CASQ2: variants seen among roughly 807,000 people sequenced by gnomAD.
CASQ2 encodes calsequestrin-2.
CASQ2 carries 49 observed loss-of-function variants against 46.5 expected under a neutral mutation model. The ratio of observed to expected loss-of-function variants is 1.05; its 90% CI spans 0.84 to 1.34. The LOEUF (loss-of-function observed/expected upper bound fraction) is 1.34. Ranked by LOEUF, CASQ2 falls within the 40% of genes most tolerant of loss-of-function variation. CASQ2 has a pLI of 0.00. For synonymous variants in CASQ2, 174 were observed against 168.5 expected (o/e 1.03, Z -0.25); for missense variants, 486 against 481.3 (o/e 1.01, Z -0.09).
At chr1:115,750,261 T>G (rs10923361) in intron 1 of CASQ2, among the ~76,000 whole-genome samples, 41,656 of 152,090 alleles carry the variant, frequency 0.27, 6,105 homozygotes, top group East Asian at 0.43. Context: ...AGACTTTTCA[T>G]ATAGGATTGC....
chr1:115,729,366 T>C (rs1189383990), intron 5 of CASQ2, among the ~76,000 whole-genome samples: 2 of 152,166 alleles, frequency 1.3e-5, no homozygotes, highest in African/African-American at 4.8e-5. Context: ...TCTTTCATTC[T>C]TATTATTCCT....
intron 1 of CASQ2, among the ~76,000 whole-genome samples, chr1:115,763,439 G>C (rs1399856967): frequency 6.6e-6 from 1 of 152,040 alleles, no homozygotes; most frequent in African/African-American, 2.4e-5. Context: ...GAGTGAATAA[G>C]CAATAAGAGG....
intron 1 of CASQ2, among the ~76,000 whole-genome samples, chr1:115,765,290 G>C (rs1223287215): frequency 1.3e-5 from 2 of 152,186 alleles, no homozygotes; most frequent in Non-Finnish European, 2.9e-5. Flanking sequence ...CTAATTGAAT[G>C]GTATTTCAAG....
At chr1:115,716,255 A>T (rs2101067216) in intron 8 of CASQ2, among the ~76,000 whole-genome samples, 1 of 152,118 alleles carries the variant, frequency 6.6e-6, no homozygotes, top group Admixed American at 6.5e-5. Context: ...CCTGCACTTC[A>T]CTCTCCACTG....
intron 3 of CASQ2, among the ~76,000 whole-genome samples, chr1:115,739,174 C>T (rs201340726): frequency 4.4e-5 from 6 of 135,582 alleles, no homozygotes; most frequent in Non-Finnish European, 4.7e-5. Context: ...TGCAGTGGCA[C>T]GATCTAGGCT....
In CASQ2 at chr1:115,723,770, G is replaced by A. The variant is rs183938918; in HGVS notation, c.783+1738C>T. Among the ~76,000 whole-genome samples, 199 of 152,148 alleles carry A rather than the reference G, an allele frequency of 1.3e-3. 1 individual carries two copies. The highest frequency in any genetic ancestry group is 2.8e-4 in the Non-Finnish European group (19 of 67,976). ...GCCAGGCTGGTCTCGAACTCCTGAC[G>A]TCAAGTGATCTGCCCACCTTGGCCT... On this transcript the variant is annotated intron_variant, in intron 7 of 10. Coordinates refer to ENST00000261448, the MANE Select transcript of CASQ2 (RefSeq NM_001232.4).
chr1:115,733,493 C>CT (rs1420288984), intron 4 of CASQ2, among the ~76,000 whole-genome samples: 3 of 152,180 alleles, frequency 2.0e-5, no homozygotes, highest in African/African-American at 4.8e-5. Context: ...TTTTCTTTCC[C>CT]TTTTTTTCAT....
At chr1:115,719,522 C>T (rs893908736) in intron 7 of CASQ2, among the ~76,000 whole-genome samples, 1 of 152,334 alleles carries the variant, frequency 6.6e-6, no homozygotes, top group East Asian at 1.9e-4. Context: ...CATAATACGG[C>T]TGTCACTCCC....
intron 7 of CASQ2, among the ~76,000 whole-genome samples, chr1:115,719,444 C>A (rs1327560093): frequency 2.1e-4 from 32 of 152,192 alleles, no homozygotes. Context: ...TTTCTGTGTG[C>A]CCTGCTAGAA....
rs139281637 is a variant in CASQ2, at chr1:115,738,349, C to T, written c.421-14G>A. ...GTCTTCAATTAGCTGAAATGCCACA[C>T]GCACATACACACATGTTCAAACAAG... On this transcript the variant is annotated splice_polypyrimidine_tract_variant and intron_variant, in intron 3 of 10. Coordinates refer to ENST00000261448, the MANE Select transcript of CASQ2 (RefSeq NM_001232.4). The T allele has an allele frequency of 1.5e-3, 2,130 of 1,422,228 alleles. 2 individuals carry two copies. Among genetic ancestry groups the T allele is most frequent in the Non-Finnish European group, 1.9e-3 (1,896 of 1,005,010 alleles). The allele number at this position is 1,422,228 out of a possible 1,614,324, so 88.1% of individuals were successfully genotyped here.
At chr1:115,723,718 T>TGGTA (rs934500360) in intron 7 of CASQ2, among the ~76,000 whole-genome samples, 1 of 152,068 alleles carries the variant, frequency 6.6e-6, no homozygotes, top group Non-Finnish European at 1.5e-5. Context: ...TTGTATTTTT[T>TGGTA]GGTAGGAATG....
Position 115,701,225 on chromosome 1 carries a change from A to G in CASQ2, c.*16T>C. The stretch of plus-strand genomic sequence containing the variant: ...GTGCTGTGATTTTGTTTTCATCAGA[A>G]TTGTTTGGAGTTGGGCTATTCATCA... On this transcript the variant is annotated 3_prime_UTR_variant, in exon 11 of 11. Transcript: ENST00000261448. 1 of 1,613,826 alleles carries G rather than the reference A, an allele frequency of 6.2e-7. No homozygotes were observed. The highest frequency in any genetic ancestry group is 8.5e-7 in the Non-Finnish European group (1 of 1,179,956).
chr1:115,710,119 T>C (rs951095315), intron 8 of CASQ2, among the ~76,000 whole-genome samples: 37 of 152,320 alleles, frequency 2.4e-4, no homozygotes, highest in African/African-American at 8.2e-4. Flanking sequence ...ACTGGGATTA[T>C]AGGCGAAAGC....
intron 5 of CASQ2, among the ~76,000 whole-genome samples, chr1:115,730,869 G>A (rs1647760236): frequency 6.6e-6 from 1 of 152,176 alleles, no homozygotes; most frequent in Admixed American, 6.5e-5. Flanking sequence ...TCCCTAGGAT[G>A]TGTTGTACAA....
intron 4 of CASQ2, among the ~76,000 whole-genome samples, chr1:115,737,639 G>C (rs563220380): frequency 3.9e-5 from 6 of 152,270 alleles, no homozygotes; most frequent in African/African-American, 1.2e-4. Flanking sequence ...TCCCTATATG[G>C]GCTGTAGTGA....
At chr1:115,757,754 G>A (rs992636688) in intron 1 of CASQ2, among the ~76,000 whole-genome samples, 1 of 152,154 alleles carries the variant, frequency 6.6e-6, no homozygotes, top group Non-Finnish European at 1.5e-5. Context: ...GTGGGATTAA[G>A]CAAGGGTAAC....
chr1:115,711,636 G>GA (rs1165376185), intron 8 of CASQ2, among the ~76,000 whole-genome samples: 1 of 149,746 alleles, frequency 6.7e-6, no homozygotes, highest in Non-Finnish European at 1.5e-5. Context: ...TGATGGGAAG[G>GA]GTTTTTGTTT....
At chr1:115,719,981 CT>C (rs1214654450) in intron 7 of CASQ2, among the ~76,000 whole-genome samples, 1 of 152,098 alleles carries the variant, frequency 6.6e-6, no homozygotes, top group African/African-American at 2.4e-5. Flanking sequence ...CTATTTGCCA[CT>C]TTTTCTGTAC....
chr1:115,703,754 T>C (rs766144546), intron 9 of CASQ2, among the ~76,000 whole-genome samples: 6 of 151,882 alleles, frequency 4.0e-5, no homozygotes, highest in Non-Finnish European at 8.8e-5. Context: ...CTACAAGAAA[T>C]TTTAAAAATT....
Sources: gnomAD v4.1 joint callset for allele counts (sites outside exome capture counted in the v4.1 genomes callset) on GRCh38, gnomAD v4.1.1 for gene constraint, MANE v1.5 for transcripts, NCBI Gene and HGNC (gene_info 2026-07-23, HGNC 2026-07-21) for gene names.